Variants in ADGRE1 observed in about 807,000 individuals in gnomAD.
ADGRE1 encodes adhesion G protein-coupled receptor E1.
A neutral mutation model predicts 102.7 loss-of-function variants in ADGRE1; 82 were observed. The ratio of observed to expected loss-of-function variants is 0.80; its 90% CI spans 0.67 to 0.96. The LOEUF is 0.96. ADGRE1 is among the 40% of genes least tolerant of loss of function. The pLI is 0.00. For missense variants in ADGRE1, 1,032 were observed against 1,085.3 expected (o/e 0.95, Z 0.69); for synonymous variants, 398 against 399.6 (o/e 1.00, Z 0.05).
chr19:6,930,345 A>T (rs970406556), intron 17 of ADGRE1, among the ~76,000 whole-genome samples: 3 of 152,198 alleles, frequency 2.0e-5, no homozygotes, highest in Admixed American at 1.3e-4. Flanking sequence ...CTCCATCCAG[A>T]CTTGACAGCC....
intron 8 of ADGRE1, 124 bp downstream of exon 8, chr19:6,904,306 TTTC>T (rs1372580851): frequency 7.9e-7 from 1 of 1,260,858 alleles, no homozygotes; most frequent in Non-Finnish European, 1.1e-6. Flanking sequence ...TCTGTTTCTT[TTTC>T]TTCTTCATCC....
chr19:6,918,213 G>A (rs1019245918), intron 12 of ADGRE1, among the ~76,000 whole-genome samples: 1 of 152,172 alleles, frequency 6.6e-6, no homozygotes, highest in Non-Finnish European at 1.5e-5. Flanking sequence ...GCCAAGGCGG[G>A]CAGATCACCT....
rs200588436 is a variant in ADGRE1, at chr19:6,924,742, T to G, written c.1856T>G (p.Leu619Trp). 7 of 1,614,210 alleles carry G rather than the reference T, an allele frequency of 4.3e-6. No homozygotes were observed. The African/African-American group carries it at 6.7e-5, about 15-fold the overall frequency. ...ATCATCTCCTTGGTGTGCCTCGTCT[T>G]GGCCATCGCCACCTTTCTGCTGTGT... ...GIIISLVCLV[L>W]AIATFLLCRS... The change falls in exon 15 of 21, where the codon TTG becomes TGG. Residue 619 changes from leucine to tryptophan, a missense_variant. By Grantham distance (61) the Leu-to-Trp change is moderately conservative. Coordinates refer to ENST00000312053, the MANE Select transcript of ADGRE1 (RefSeq NM_001974.5).
rs558922058 is a variant in ADGRE1, at chr19:6,931,657, A to G, written c.2290-3330A>G. On this transcript the variant is annotated intron_variant, in intron 17 of 20. Coordinates refer to ENST00000312053, the MANE Select transcript of ADGRE1 (RefSeq NM_001974.5). ...TACTGAAAAATACAAAAAATGAGCC[A>G]GGCGTGGTGGCAGGCACCAATAGTC... 2.3e-3 allele frequency among the ~76,000 whole-genome samples: 349 copies of G among 152,240 alleles called. 2 individuals carry two copies. Among genetic ancestry groups the G allele is most frequent in the African/African-American group, 8.0e-3 (333 of 41,564 alleles).
At chr19:6,919,186 C>T (rs1974523886) in intron 12 of ADGRE1, among the ~76,000 whole-genome samples, 1 of 152,080 alleles carries the variant, frequency 6.6e-6, no homozygotes, top group Admixed American at 6.5e-5. Flanking sequence ...GTGCGCATCA[C>T]CACGCCCGGC....
In ADGRE1 at chr19:6,906,381, CT is replaced by C. The variant is rs1446709625; in HGVS notation, c.950-50del. The C allele has an allele frequency of 6.7e-6, 10 of 1,503,262 alleles. No individual in the cohort carries two copies. In the Middle Eastern group the frequency reaches 5.2e-4, roughly 78 times the overall value. The allele number at this position is 1,503,262 out of a possible 1,614,324, so 93.1% of individuals were successfully genotyped here. ...CATGAAATCAGACTTGAATTTTCAT[CT>C]TATTTTGCTGAGGTTGAAGTTTGGT... On this transcript the variant is annotated intron_variant, in intron 8 of 20. Coordinates refer to ENST00000312053, the MANE Select transcript of ADGRE1 (RefSeq NM_001974.5).
At chr19:6,893,870 C>T (rs1973462338) in intron 2 of ADGRE1, among the ~76,000 whole-genome samples, 1 of 152,166 alleles carries the variant, frequency 6.6e-6, no homozygotes, top group African/African-American at 2.4e-5. Context: ...GGCAGGGCTG[C>T]GTTCCTTCTG....
chr19:6,888,091 G>A (rs1219195172), intron 1 of ADGRE1, among the ~76,000 whole-genome samples: 1 of 152,146 alleles, frequency 6.6e-6, no homozygotes, highest in Non-Finnish European at 1.5e-5. Context: ...TTTTGCAAAT[G>A]AGAAAACTGA....
At chr19:6,902,995 G>C (rs1973827219) in intron 6 of ADGRE1, among the ~76,000 whole-genome samples, 1 of 152,242 alleles carries the variant, frequency 6.6e-6, no homozygotes, top group South Asian at 2.1e-4. Context: ...GCAAGCCAGA[G>C]GTAGAAGAAA....
chr19:6,933,519 C>G (rs2145027322), intron 17 of ADGRE1, among the ~76,000 whole-genome samples: 1 of 151,906 alleles, frequency 6.6e-6, no homozygotes, highest in African/African-American at 2.4e-5. Flanking sequence ...TCTGCGGTAG[C>G]TGGGATTACA....
chr19:6,890,507 G>T lies in ADGRE1; in HGVS notation c.58G>T (p.Gly20Trp). 6.2e-7 allele frequency: 1 copy of T among 1,611,220 alleles called. No homozygotes were observed. The highest frequency in any genetic ancestry group is 8.5e-7 in the Non-Finnish European group (1 of 1,179,122). ...ATGTTGTGTTATGCACAGCTGGGAA[G>T]GGCACATAAGACCCACACGGAAACC... ...WGCCVMHSWE[G>W]HIRPTRKPNT... The change falls in exon 2 of 21, where the codon GGG (glycine) becomes TGG (tryptophan). Residue 20 changes from glycine (G) to tryptophan (W), a missense_variant. Transcript: ENST00000312053.
intron 10 of ADGRE1, among the ~76,000 whole-genome samples, chr19:6,910,773 A>T (rs1420640918): frequency 1.3e-5 from 2 of 151,966 alleles, no homozygotes; most frequent in Non-Finnish European, 2.9e-5. Flanking sequence ...GGGTTTCACC[A>T]TGTTGGCCAG....
intron 2 of ADGRE1, among the ~76,000 whole-genome samples, chr19:6,892,628 C>T (rs982656743): frequency 5.3e-5 from 8 of 152,102 alleles, no homozygotes; most frequent in South Asian, 2.1e-4. Context: ...CTACTCTGCT[C>T]GAAATCCTCC....
At chr19:6,894,994 A>G (rs1313700368) in intron 2 of ADGRE1, 2 of 152,260 alleles carry the variant, frequency 1.3e-5, no homozygotes, top group East Asian at 3.8e-4. Context: ...CAAAATAACT[A>G]TGAATGAAAC....
rs184464285 is a variant in ADGRE1, at chr19:6,896,644, T to A, written c.238+103T>A. ...TACTCCCCCACCCCCCATTTTTTTT[T>A]AAATCTGGTTTAACTATATATTTTA... On this transcript the variant is annotated intron_variant, in intron 3 of 20. Transcript: ENST00000312053. 1,967 of 1,338,678 alleles carry A rather than the reference T, an allele frequency of 1.5e-3. 30 individuals are homozygous for A. The Admixed American group carries it at 0.032, about 22-fold the overall frequency. The allele number at this position is 1,338,678 out of a possible 1,614,324, so 82.9% of individuals were successfully genotyped here. A position where few individuals can be genotyped will look rare whatever the true frequency, so the allele number is the denominator to read the frequency against.
At chr19:6,889,444 ACT>A (rs1240421343) in intron 1 of ADGRE1, among the ~76,000 whole-genome samples, 2 of 152,094 alleles carry the variant, frequency 1.3e-5, no homozygotes, top group South Asian at 2.1e-4. Context: ...TAATCCCAGC[ACT>A]TTAGGAGGCT....
chr19:6,895,318 C>G (rs1973511081), intron 2 of ADGRE1: 2 of 152,254 alleles, frequency 1.3e-5, no homozygotes, highest in Admixed American at 6.5e-5. Context: ...CCACAGCTAG[C>G]TGCAAGAGAA....
intron 17 of ADGRE1, among the ~76,000 whole-genome samples, chr19:6,928,815 TCCCAG>T (rs1975027800): frequency 6.6e-6 from 1 of 151,714 alleles, no homozygotes; most frequent in Non-Finnish European, 1.5e-5. Flanking sequence ...ATGCCTGTAA[TCCCAG>T]CTACTCAGGA....
chr19:6,910,886 T>A (rs1230285197), intron 10 of ADGRE1, among the ~76,000 whole-genome samples: 1 of 152,178 alleles, frequency 6.6e-6, no homozygotes, highest in Non-Finnish European at 1.5e-5. Flanking sequence ...ACTCTTTAAA[T>A]AGGAGATGTT....
Sources: gnomAD v4.1 joint callset for allele counts (sites outside exome capture counted in the v4.1 genomes callset) on GRCh38, gnomAD v4.1.1 for gene constraint, MANE v1.5 for transcripts, NCBI Gene and HGNC (gene_info 2026-07-23, HGNC 2026-07-21) for gene names.